The following ITK variants were observed in gnomAD, a reference collection of about 807,000 sequenced individuals.
ITK encodes IL2 inducible T cell kinase.
ITK carries 45 observed loss-of-function variants against 87.6 expected under a neutral mutation model. The observed-to-expected ratio is 0.51, with a 90% CI of 0.40 to 0.66. The LOEUF is 0.66. ITK is among the 30% of genes least tolerant of loss of function. ITK has a pLI of 0.00. For synonymous variants in ITK, 303 were observed against 273.6 expected (o/e 1.11, Z -1.06); for missense variants, 605 against 766.3 (o/e 0.79, Z 2.48).
rs564332348 is a variant in ITK at position 157,189,485 on chromosome 5, G to A, written c.138+8370G>A. ...ACCTGAACTCAGGAGTTTGAGACAA[G>A]CCTAGCCAACATGGCGAAACCCTAT... On this transcript the variant is annotated intron_variant, in intron 1 of 16. Coordinates refer to ENST00000422843, the MANE Select transcript of ITK (RefSeq NM_005546.4). Among the ~76,000 whole-genome samples, 4 of 152,280 alleles carry A rather than the reference G, an allele frequency of 2.6e-5. No individual in the cohort carries two copies. The East Asian group carries it at 7.7e-4, about 29-fold the overall frequency.
intron 1 of ITK, among the ~76,000 whole-genome samples, chr5:157,197,693 T>C (rs544906937): frequency 1.2e-4 from 19 of 152,372 alleles, no homozygotes; most frequent in African/African-American, 3.8e-4. Context: ...TGTCCCTCTG[T>C]ATAGATGAAC....
intron 3 of ITK, among the ~76,000 whole-genome samples, chr5:157,212,867 A>T (rs893706050): frequency 2.6e-5 from 4 of 151,518 alleles, no homozygotes; most frequent in Admixed American, 6.6e-5. Flanking sequence ...AAAGAAGAAA[A>T]AAAAGGAATC....
chr5:157,236,752 G>A (rs961043137), intron 8 of ITK, among the ~76,000 whole-genome samples: 1 of 151,978 alleles, frequency 6.6e-6, no homozygotes, highest in Non-Finnish European at 1.5e-5. Flanking sequence ...TGAATAAAAT[G>A]GTATGTCCAT....
chr5:157,187,582 T>A (rs1440143238), intron 1 of ITK, among the ~76,000 whole-genome samples: 4 of 152,158 alleles, frequency 2.6e-5, no homozygotes, highest in African/African-American at 9.7e-5. Flanking sequence ...GGTAGTAGTG[T>A]GTGGCCTATC....
chr5:157,210,902 TAAG>T (rs1429134744), intron 2 of ITK, among the ~76,000 whole-genome samples: 2 of 151,992 alleles, frequency 1.3e-5, no homozygotes, highest in East Asian at 1.9e-4. Flanking sequence ...TATTTCAAAA[TAAG>T]AAGTTTTCAA....
intron 6 of ITK, 68 bp from the exon 7 acceptor site, chr5:157,228,228 A>G (rs1386064979): frequency 3.5e-5 from 33 of 951,748 alleles, no homozygotes; most frequent in Non-Finnish European, 5.3e-5. Context: ...CTTTTAATGG[A>G]TTAAACCTAT....
chr5:157,212,829 A>C (rs879818181), intron 3 of ITK, among the ~76,000 whole-genome samples: 11 of 152,008 alleles, frequency 7.2e-5, no homozygotes, highest in Non-Finnish European at 1.3e-4. Flanking sequence ...TCACAGAGCA[A>C]GACCCTGTTC....
chr5:157,245,273 A>G lies in ITK; in HGVS notation c.1450-453A>G, dbSNP rs180925726. 5.0e-5 allele frequency: 12 copies of G among 239,410 alleles called. No homozygotes were observed. In the East Asian group the frequency reaches 1.0e-3, roughly 20 times the overall value. 14.8% of individuals were successfully genotyped at this position (239,410 alleles called of 1,614,324 possible). A position where few individuals can be genotyped will look rare whatever the true frequency, so the allele number is the denominator to read the frequency against. On this transcript the variant is annotated intron_variant, in intron 13 of 16. Transcript: ENST00000422843. The stretch of plus-strand genomic sequence containing the variant: ...GAGACACACTGGAGTGTTATCTCCA[A>G]TGGCTTTTTCAATGCAACAGTCTAT...
chr5:157,253,607 C>T lies in ITK; in HGVS notation c.*929C>T. The T allele has an allele frequency of 4.4e-6, 1 of 228,944 alleles. No homozygotes were observed. Among genetic ancestry groups the T allele is most frequent in the Non-Finnish European group, 8.7e-6 (1 of 115,318 alleles). 14.2% of individuals were successfully genotyped at this position (228,944 alleles called of 1,614,324 possible). On this transcript the variant is annotated 3_prime_UTR_variant, in exon 17 of 17. Coordinates refer to ENST00000422843, the MANE Select transcript of ITK (RefSeq NM_005546.4). The stretch of plus-strand genomic sequence containing the variant: ...TGAAAAACATCCTTTTTTCCAGCCT[C>T]TGGGAATCAGCCCCCCCTCTCTGCA...
intron 16 of ITK, among the ~76,000 whole-genome samples, 198 bp downstream of exon 16, chr5:157,249,205 AT>A (rs934530962): frequency 6.6e-6 from 1 of 152,206 alleles, no homozygotes; most frequent in Non-Finnish European, 1.5e-5. Context: ...CTTAAATATT[AT>A]TTGGTTTGCT....
At chr5:157,184,916 T>C (rs1214138767) in intron 1 of ITK, among the ~76,000 whole-genome samples, 1 of 152,170 alleles carries the variant, frequency 6.6e-6, no homozygotes, top group African/African-American at 2.4e-5. Flanking sequence ...GGAGGCATTA[T>C]CATTTACATG....
rs182077893 is a variant in ITK at position 157,207,252 on chromosome 5, G to A, written c.139-1637G>A. On this transcript the variant is annotated intron_variant, in intron 1 of 16. Coordinates refer to ENST00000422843, the MANE Select transcript of ITK (RefSeq NM_005546.4). The stretch of plus-strand genomic sequence containing the variant: ...TAGGGTCCCTGGCTGATTCAATGGT[G>A]TCCACCAACACTGAGGGCAGATCTC... Among the ~76,000 whole-genome samples, 6 of 151,748 alleles carry A rather than the reference G, an allele frequency of 4.0e-5. No individual in the cohort carries two copies. The East Asian group carries it at 1.2e-3, about 29-fold the overall frequency.
intron 3 of ITK, among the ~76,000 whole-genome samples, chr5:157,212,390 A>G (rs1322098649): frequency 6.6e-6 from 1 of 152,230 alleles, no homozygotes; most frequent in African/African-American, 2.4e-5. Context: ...AAAAATGAGA[A>G]TAGAAATACA....
At chr5:157,200,323 G>A (rs950469736) in intron 1 of ITK, among the ~76,000 whole-genome samples, 20 of 152,202 alleles carry the variant, frequency 1.3e-4, no homozygotes, top group East Asian at 3.9e-4. Context: ...TGTGACTTTC[G>A]CCCCAAGTAA....
chr5:157,245,856 CCTT>C, intron 14 of ITK, 22 bp from the exon 15 acceptor site: 1 of 1,609,054 alleles, frequency 6.2e-7, no homozygotes. Context: ...AACATTCTGA[CCTT>C]CTCCCTCCAC....
chr5:157,184,365 A>G (rs1348297051), intron 1 of ITK, among the ~76,000 whole-genome samples: 1 of 152,116 alleles, frequency 6.6e-6, no homozygotes, highest in Non-Finnish European at 1.5e-5. Context: ...ATTCCTGAAA[A>G]CTTAACAATT....
At chr5:157,189,495 C>T (rs532954392) in intron 1 of ITK, among the ~76,000 whole-genome samples, 2 of 152,320 alleles carry the variant, frequency 1.3e-5, no homozygotes, top group South Asian at 2.1e-4. Flanking sequence ...GCCTAGCCAA[C>T]ATGGCGAAAC....
intron 2 of ITK, among the ~76,000 whole-genome samples, chr5:157,209,647 G>A (rs1031415293): frequency 3.3e-5 from 5 of 152,148 alleles, no homozygotes; most frequent in East Asian, 3.9e-4. Context: ...GTTTACTCAT[G>A]ATTTGAGGCA....
chr5:157,198,532 C>G (rs758299597), intron 1 of ITK, among the ~76,000 whole-genome samples: 1 of 152,028 alleles, frequency 6.6e-6, no homozygotes. Flanking sequence ...AAGAGAGAAA[C>G]GAAGACAGGT....
Sources: gnomAD v4.1 joint callset for allele counts (sites outside exome capture counted in the v4.1 genomes callset) on GRCh38, gnomAD v4.1.1 for gene constraint, MANE v1.5 for transcripts, NCBI Gene and HGNC (gene_info 2026-07-23, HGNC 2026-07-21) for gene names.